Variants in CACNB2 observed in about 807,000 individuals in gnomAD.
CACNB2 encodes the protein voltage-dependent L-type calcium channel subunit beta-2.
CACNB2 carries 42 observed loss-of-function variants against 73.3 expected under a neutral mutation model. The observed-to-expected ratio is 0.57, with a 90% CI of 0.45 to 0.74. The LOEUF (loss-of-function observed/expected upper bound fraction) is 0.74, where lower values mean the gene tolerates loss of function less well. Ranked by LOEUF, CACNB2 falls within the 30% of genes least tolerant of loss-of-function variation. CACNB2 has a pLI of 0.00. For missense variants in CACNB2, 940 were observed against 853.0 expected, an observed-to-expected ratio of 1.10 and a Z score of -1.27; for synonymous variants, 348 against 310.3, an observed-to-expected ratio of 1.12 and a Z score of -1.28.
Position 18,166,142 on chromosome 10 carries a change from CGTT to C in CACNB2, c.213+15168_213+15170del, listed in dbSNP as rs573905325. On this transcript the variant is annotated intron_variant, in intron 2 of 13. Coordinates refer to ENST00000324631, the MANE Select transcript of CACNB2 (RefSeq NM_201596.3). ...AATCTAGATTACTTATGTAAACTAA[CGTT>C]ATTATTAAGGTCATAAGTATTTCTA... 6.6e-3 allele frequency among the ~76,000 whole-genome samples: 1,010 copies of C among 151,972 alleles called. 11 individuals carry two copies. The highest frequency in any genetic ancestry group is 0.023 in the African/African-American group (960 of 41,414).
chr10:18,161,630 T>TCTC (rs1554762609), intron 2 of CACNB2, among the ~76,000 whole-genome samples: 45 of 65,852 alleles, frequency 6.8e-4, no homozygotes, highest in African/African-American at 2.5e-3. Context: ...GGCAAATCTC[T>TCTC]TTTTTTTTTT....
chr10:18,479,672 T>G (rs2132826187), intron 3 of CACNB2, among the ~76,000 whole-genome samples: 1 of 148,616 alleles, frequency 6.7e-6, no homozygotes, highest in Admixed American at 6.8e-5. Flanking sequence ...GATCTGATGG[T>G]TTAAAAGTGC....
At chr10:18,517,211 C>T (rs941585821) in intron 7 of CACNB2, among the ~76,000 whole-genome samples, 6 of 152,170 alleles carry the variant, frequency 3.9e-5, no homozygotes, top group Non-Finnish European at 8.8e-5. Context: ...TATTTTTTGA[C>T]ACTCCTTAGC....
chr10:18,311,663 G>T (rs543232988), intron 2 of CACNB2, among the ~76,000 whole-genome samples: 141 of 152,322 alleles, frequency 9.3e-4, no homozygotes, highest in African/African-American at 3.1e-3. Context: ...TCATCATAAA[G>T]TTCTTCATCC....
chr10:18,179,022 C>G lies in CACNB2; in HGVS notation c.213+28047C>G, dbSNP rs78397450. On this transcript the variant is annotated intron_variant, in intron 2 of 13. Coordinates refer to ENST00000324631, the MANE Select transcript of CACNB2 (RefSeq NM_201596.3). ...GCAGAAACCTTCCAGCAGGTCTGTG[C>G]TCTGGGTGAGATATTCACATAAACA... Among the ~76,000 whole-genome samples the G allele has an allele frequency of 3.7e-3, 562 of 152,246 alleles. 1 individual carries two copies. The highest frequency in any genetic ancestry group is 6.6e-3 in the Non-Finnish European group (449 of 68,004).
chr10:18,209,326 C>A lies in CACNB2; in HGVS notation c.213+58351C>A, dbSNP rs376226942. ...ATAGATGGATATGTTTCTCCAGGGG[C>A]TTTCTGCTTTAAGTTACAAATGGTT... On this transcript the variant is annotated intron_variant, in intron 2 of 13. Transcript: ENST00000324631. Among the ~76,000 whole-genome samples, 12 of 152,208 alleles carry A rather than the reference C, an allele frequency of 7.9e-5. No homozygotes were observed. In the South Asian group the frequency reaches 2.5e-3, roughly 32 times the overall value.
At chr10:18,268,127 G>C (rs1588893703) in intron 2 of CACNB2, among the ~76,000 whole-genome samples, 1 of 152,216 alleles carries the variant, frequency 6.6e-6, no homozygotes, top group Non-Finnish European at 1.5e-5. Context: ...GTCCCTTTTA[G>C]AAGGATGCCT....
chr10:18,380,452 CTTTTTTTTTT>C (rs757792853), intron 2 of CACNB2, among the ~76,000 whole-genome samples: 9 of 111,022 alleles, frequency 8.1e-5, no homozygotes, highest in Non-Finnish European at 7.1e-5. Context: ...ATGTGTTTTT[CTTTTTTTTTT>C]TTTTTTTTTT....
At chr10:18,170,971 C>T (rs1300349656) in intron 2 of CACNB2, among the ~76,000 whole-genome samples, 7 of 152,192 alleles carry the variant, frequency 4.6e-5, no homozygotes, top group Non-Finnish European at 8.8e-5. Flanking sequence ...AGAGAAGATT[C>T]ATTTACCGCC....
intron 2 of CACNB2, among the ~76,000 whole-genome samples, chr10:18,163,275 C>G (rs2032605252): frequency 6.6e-6 from 1 of 152,064 alleles, no homozygotes; most frequent in Admixed American, 6.6e-5. Context: ...TGAATGAAGA[C>G]CTTGACAGAT....
chr10:18,283,915 G>T (rs930550350), intron 2 of CACNB2, among the ~76,000 whole-genome samples: 4 of 152,138 alleles, frequency 2.6e-5, no homozygotes, highest in African/African-American at 9.7e-5. Context: ...ATGCAAAGAA[G>T]ATTGATTTTG....
chr10:18,416,511 G>A (rs1358063319), intron 3 of CACNB2, among the ~76,000 whole-genome samples: 1 of 152,136 alleles, frequency 6.6e-6, no homozygotes, highest in East Asian at 1.9e-4. Flanking sequence ...CCACCTCCTG[G>A]GTTCAAAGGA....
At chr10:18,477,608 T>C (rs1476149548) in intron 3 of CACNB2, among the ~76,000 whole-genome samples, 2 of 152,104 alleles carry the variant, frequency 1.3e-5, no homozygotes, top group East Asian at 3.9e-4. Context: ...ACTAAAACAG[T>C]CTGTGGTCTG....
chr10:18,454,902 C>T (rs887970586), intron 3 of CACNB2, among the ~76,000 whole-genome samples: 4 of 152,056 alleles, frequency 2.6e-5, no homozygotes, highest in Admixed American at 1.3e-4. Context: ...ATTAGCCAGA[C>T]GTGATAGCAG....
At chr10:18,481,203 TATATATATATATATATATATATATATA>T (rs1360865135) in intron 3 of CACNB2, among the ~76,000 whole-genome samples, 2,753 of 15,486 alleles carry the variant, frequency 0.18, 112 homozygotes, top group Non-Finnish European at 0.19. Flanking sequence ...TATATATATA[TATATATATATATATATATATATATATA>T]TTTTTTTTTT....
chr10:18,445,231 G>A (rs2046673916), intron 3 of CACNB2, among the ~76,000 whole-genome samples: 2 of 152,180 alleles, frequency 1.3e-5, no homozygotes, highest in Admixed American at 6.5e-5. Flanking sequence ...AGGAACGAGA[G>A]GGGAAATTGT....
chr10:18,285,616 T>C (rs183290781), intron 2 of CACNB2, among the ~76,000 whole-genome samples: 1 of 152,362 alleles, frequency 6.6e-6, no homozygotes, highest in East Asian at 1.9e-4. Flanking sequence ...AACCATAAGA[T>C]AATAAGTTGT....
intron 3 of CACNB2, among the ~76,000 whole-genome samples, chr10:18,473,210 G>T (rs1039963621): frequency 6.6e-6 from 1 of 152,160 alleles, no homozygotes; most frequent in East Asian, 1.9e-4. Context: ...CCGCTCGCCT[G>T]TTAACGTATC....
rs1417534113 is a variant in CACNB2 at position 18,220,240 on chromosome 10, G to GTTGGGGGGAGAC, written c.213+69265_213+69266insTTGGGGGGAGAC. 1.1e-3 allele frequency among the ~76,000 whole-genome samples: 78 copies of GTTGGGGGGAGAC among 72,342 alleles called. 2 individuals are homozygous for GTTGGGGGGAGAC. The highest frequency in any genetic ancestry group is 2.8e-3 in the African/African-American group (33 of 11,648). 47.5% of individuals were successfully genotyped at this position (72,342 alleles called of 152,430 possible). ...ATATATATATATATATATAGAGAGA[G>GTTGGGGGGAGAC]AGAGAGAGAGAGAGAGAGAGAGAGA... is the stretch of plus-strand genomic sequence containing the variant. On this transcript the variant is annotated intron_variant, in intron 2 of 13. Coordinates refer to ENST00000324631, the MANE Select transcript of CACNB2 (RefSeq NM_201596.3).
Sources: gnomAD v4.1 joint callset for allele counts (sites outside exome capture counted in the v4.1 genomes callset) on GRCh38, gnomAD v4.1.1 for gene constraint, MANE v1.5 for transcripts, NCBI Gene and HGNC (gene_info 2026-07-23, HGNC 2026-07-21) for gene names.